Variants in HERC2 observed in about 807,000 individuals in gnomAD.
HERC2 encodes the protein HECT and RLD domain containing E3 ubiquitin protein ligase 2.
Under a neutral mutation model 537.7 loss-of-function variants are expected in HERC2, and 102 were observed. That is an observed-to-expected ratio of 0.19 (90% CI 0.16 to 0.22). The LOEUF (loss-of-function observed/expected upper bound fraction) is 0.22. HERC2 is among the 10% of genes least tolerant of loss of function. HERC2 has a pLI of 1.00. For missense variants in HERC2, 4,236 were observed against 6,198.2 expected, an observed-to-expected ratio of 0.68 and a Z score of 10.63; for synonymous variants, 2,224 against 2,466.2, an observed-to-expected ratio of 0.90 and a Z score of 2.91.
rs1902119886 is a variant in HERC2 at position 28,233,670 on chromosome 15, C to G, written c.4345G>C (p.Asp1449His). Residue 1449 changes from aspartate to histidine, a missense_variant, in exon 28 of 93, where the codon GAT becomes CAT. This residue lies in a region of HERC2 where 94 missense variants were observed against 174.9 expected (regional missense o/e 0.54). Coordinates refer to ENST00000261609, the MANE Select transcript of HERC2 (RefSeq NM_004667.6). ...CAGATATCGAGCTCCTTACCTAAAT[C>G]TTCATGTTTTAAGAGGCAACATAAC... ...LLLCCLLKHE[D>H]LGHVALSLVH... The G allele has an allele frequency of 6.2e-7, 1 of 1,613,952 alleles. No homozygotes were observed. The highest frequency in any genetic ancestry group is 8.5e-7 in the Non-Finnish European group (1 of 1,179,842).
intron 2 of HERC2, among the ~76,000 whole-genome samples, chr15:28,311,426 C>G (rs946715025): frequency 6.6e-6 from 1 of 152,242 alleles, no homozygotes; most frequent in Non-Finnish European, 1.5e-5. Context: ...GACGGTGCCA[C>G]TGCATTCCAG....
intron 83 of HERC2, among the ~76,000 whole-genome samples, chr15:28,126,492 CCAT>C (rs1426343070): frequency 6.6e-6 from 1 of 152,180 alleles, no homozygotes; most frequent in African/African-American, 2.4e-5. Context: ...CAAAGCCCAT[CCAT>C]CAATGAGTGG....
At chr15:28,218,131 G>A (rs1900128888) in intron 38 of HERC2, among the ~76,000 whole-genome samples, 1 of 151,030 alleles carries the variant, frequency 6.6e-6, no homozygotes, top group Non-Finnish European at 1.5e-5. Flanking sequence ...ATGAAAAGGG[G>A]AGATTTGGAG....
intron 68 of HERC2, among the ~76,000 whole-genome samples, chr15:28,166,592 AG>A (rs1002720071): frequency 2.6e-5 from 4 of 152,066 alleles, no homozygotes; most frequent in Non-Finnish European, 4.4e-5. Flanking sequence ...AGGCAGGGGG[AG>A]GGTAGGTGAA....
chr15:28,285,363 A>C (rs1376320277), intron 4 of HERC2, among the ~76,000 whole-genome samples: 2 of 152,232 alleles, frequency 1.3e-5, no homozygotes, highest in African/African-American at 4.8e-5. Flanking sequence ...AAACAATGGA[A>C]ACAAATTAGA....
At chr15:28,295,364 G>A (rs1206578378) in intron 3 of HERC2, among the ~76,000 whole-genome samples, 1 of 151,566 alleles carries the variant, frequency 6.6e-6, no homozygotes, top group Non-Finnish European at 1.5e-5. Context: ...CAGCCCACAG[G>A]ACAAACCCAG....
In HERC2 at chr15:28,229,975, G is replaced by A. The variant is rs1265743337; in HGVS notation, c.4810-128C>T. ...AATTGGTTAAATTTAGTAATACATGGTTTTAAAACTATGCTATAAATATAC... is the reference window on the plus strand; with the variant it reads ...AATTGGTTAAATTTAGTAATACATGATTTTAAAACTATGCTATAAATATAC... On this transcript the variant is annotated intron_variant, in intron 31 of 92. Transcript: ENST00000261609. The A allele has an allele frequency of 1.4e-5, 10 of 738,218 alleles. No homozygotes were observed. In the South Asian group the frequency reaches 1.7e-4, roughly 13 times the overall value. The allele number at this position is 738,218 out of a possible 1,614,324, so 45.7% of individuals were successfully genotyped here.
chr15:28,262,770 A>G (rs962166706), intron 15 of HERC2, 148 bp downstream of exon 15: 4 of 811,500 alleles, frequency 4.9e-6, no homozygotes, highest in Non-Finnish European at 7.9e-6. Flanking sequence ...AAAGTTTCTA[A>G]TGACAGTCCA....
intron 2 of HERC2, among the ~76,000 whole-genome samples, chr15:28,310,881 T>C (rs2076923187): frequency 6.6e-6 from 1 of 151,606 alleles, no homozygotes; most frequent in Non-Finnish European, 1.5e-5. Flanking sequence ...ATAAAGACCA[T>C]CCCGGCTAAC....
intron 30 of HERC2, among the ~76,000 whole-genome samples, chr15:28,232,370 G>A (rs1258452576): frequency 4.6e-5 from 7 of 151,922 alleles, no homozygotes; most frequent in African/African-American, 7.3e-5. Context: ...GTGAAACTCC[G>A]TCTCTACTAA....
intron 69 of HERC2, among the ~76,000 whole-genome samples, chr15:28,156,643 G>A (rs956662280): frequency 6.6e-6 from 1 of 152,184 alleles, no homozygotes; most frequent in African/African-American, 2.4e-5. Flanking sequence ...AGCTTAAGGA[G>A]ATTTTAGGCT....
At chr15:28,224,096 A>G (rs1456352243) in intron 35 of HERC2, among the ~76,000 whole-genome samples, 1 of 151,842 alleles carries the variant, frequency 6.6e-6, no homozygotes, top group East Asian at 1.9e-4. Context: ...TAAAATATAT[A>G]TTTAACACAA....
intron 74 of HERC2, 71 bp from the exon 75 acceptor site, chr15:28,143,023 C>T (rs1891380724): frequency 3.4e-6 from 5 of 1,474,276 alleles, no homozygotes; most frequent in African/African-American, 1.4e-5. Flanking sequence ...TTGTTTCTAC[C>T]GTCAAATGTT....
chr15:28,278,700 C>T (rs1262385391), intron 5 of HERC2, among the ~76,000 whole-genome samples: 1 of 152,154 alleles, frequency 6.6e-6, no homozygotes, highest in Non-Finnish European at 1.5e-5. Context: ...CTCTGGGGAG[C>T]AAGACGATCA....
intron 85 of HERC2, 23 bp from the exon 86 acceptor site, chr15:28,121,452 A>G (rs758562777): frequency 1.3e-6 from 2 of 1,580,336 alleles, no homozygotes; most frequent in South Asian, 2.2e-5. Flanking sequence ...AAACAGACAA[A>G]ATTTAGAATC....
Position 28,141,536 on chromosome 15 carries a change from C to T in HERC2, c.11911G>A (p.Ala3971Thr), listed in dbSNP as rs778293898. The change falls in exon 78 of 93, where the codon GCA becomes ACA. Residue 3971 changes from alanine to threonine, a missense_variant. Transcript: ENST00000261609. The part of the protein sequence containing the change: ...HRGQLGGIEG[A>T]KVKVPTPCEA... Reference sequence around the variant, plus strand: ...CAGGGAGTGGGAACTTTGACTTTTGCGCCTTCAATGCCCCCGAGCTGGCCC... The same window carrying T: ...CAGGGAGTGGGAACTTTGACTTTTGTGCCTTCAATGCCCCCGAGCTGGCCC... 12 of 1,613,974 alleles carry T rather than the reference C, an allele frequency of 7.4e-6. No homozygotes were observed. Among genetic ancestry groups the T allele is most frequent in the Admixed American group, 3.3e-5 (2 of 59,982 alleles).
intron 3 of HERC2, among the ~76,000 whole-genome samples, chr15:28,296,304 T>C (rs1318539154): frequency 1.3e-5 from 2 of 152,036 alleles, no homozygotes; most frequent in Non-Finnish European, 2.9e-5. Flanking sequence ...TGAAACTCCA[T>C]CTTTATTAAA....
At position 28,309,587 on chromosome 15, in the gene HERC2, G is replaced by C. The variant is rs892908628; in HGVS notation, c.73-10071C>G. On this transcript the variant is annotated intron_variant, in intron 2 of 92. Coordinates refer to ENST00000261609, the MANE Select transcript of HERC2 (RefSeq NM_004667.6). The stretch of plus-strand genomic sequence containing the variant: ...AGCAAGCAGCCAATGAACTGCCTGT[G>C]GGGAGGGGCAGCCTCCAAGAGCCCA... Among the ~76,000 whole-genome samples, 59 of 152,242 alleles carry C rather than the reference G, an allele frequency of 3.9e-4. 1 individual carries two copies. The highest frequency in any genetic ancestry group is 1.9e-3 in the Admixed American group (29 of 15,274).
At chr15:28,283,337 C>T (rs2442401) in intron 4 of HERC2, among the ~76,000 whole-genome samples, 1 of 152,170 alleles carries the variant, frequency 6.6e-6, no homozygotes, top group African/African-American at 2.4e-5. Context: ...AACTATCGTG[C>T]ATTAACAAGT....
Sources: allele counts gnomAD v4.1 joint callset (sites outside exome capture counted in the v4.1 genomes callset), GRCh38; gene constraint gnomAD v4.1.1; regional missense constraint gnomAD v4.1.1; transcripts MANE v1.5; gene names NCBI Gene and HGNC (gene_info 2026-07-23, HGNC 2026-07-21).